Variants in DSCAM observed in about 807,000 individuals in gnomAD.
DSCAM encodes DS cell adhesion molecule.
A neutral mutation model predicts 217.7 loss-of-function variants in DSCAM; 47 were observed. The ratio of observed to expected loss-of-function variants is 0.22; its 90% confidence interval spans 0.17 to 0.28. The LOEUF (loss-of-function observed/expected upper bound fraction) is 0.28. Ranked by LOEUF, DSCAM falls within the 10% of genes least tolerant of loss-of-function variation. The pLI, the probability that DSCAM is intolerant of heterozygous loss-of-function variation, is 1.00. For missense variants in DSCAM, 2,080 were observed against 2,618.3 expected (o/e 0.79, Z 4.49); for synonymous variants, 1,056 against 1,015.3 (o/e 1.04, Z -0.76).
rs920603442 is a variant in DSCAM, at chr21:40,078,757, C to T, written c.4641G>A (p.Gln1547=). Residue 1547 remains glutamine, a synonymous_variant, in exon 26 of 33, where the codon CAG becomes CAA. Transcript: ENST00000400454. ...DLQEATWYEL[Q]MRVCNSAGCA... ...AGCCCGCACTGTTGCACACCCGCAT[C>T]TGCAGCTCATACCAGGTGGCTTCCT... is the stretch of plus-strand genomic sequence containing the variant. The T allele has an allele frequency of 1.2e-6, 2 of 1,614,260 alleles. No individual in the cohort carries two copies. The highest frequency in any genetic ancestry group is 1.7e-6 in the Non-Finnish European group (2 of 1,180,048).
intron 3 of DSCAM, among the ~76,000 whole-genome samples, chr21:40,597,611 A>G (rs1362358847): frequency 2.1e-5 from 3 of 141,836 alleles, no homozygotes; most frequent in Non-Finnish European, 3.0e-5. Context: ...GGTTCTAGCT[A>G]TTCTTCCCCC....
chr21:40,678,640 C>T (rs1379169504), intron 3 of DSCAM, among the ~76,000 whole-genome samples: 1 of 152,154 alleles, frequency 6.6e-6, no homozygotes, highest in African/African-American at 2.4e-5. Context: ...GAAGCTTCTC[C>T]ACACAGAAAT....
chr21:40,768,073 T>C (rs955224700), intron 1 of DSCAM, among the ~76,000 whole-genome samples: 7 of 152,250 alleles, frequency 4.6e-5, no homozygotes, highest in African/African-American at 1.2e-4. Flanking sequence ...TTGACTAATA[T>C]AGGCAAACAC....
At chr21:40,427,596 C>T (rs556291729) in intron 3 of DSCAM, among the ~76,000 whole-genome samples, 1 of 152,318 alleles carries the variant, frequency 6.6e-6, no homozygotes, top group South Asian at 2.1e-4. Flanking sequence ...AACCTCAGCT[C>T]CCTTATTGCT....
intron 6 of DSCAM, among the ~76,000 whole-genome samples, chr21:40,342,607 T>A (rs990847696): frequency 8.0e-5 from 10 of 124,608 alleles, no homozygotes; most frequent in African/African-American, 3.4e-4. Flanking sequence ...ATAGTATGTG[T>A]ATATGTGTGT....
In DSCAM at chr21:40,551,267, T is replaced by C. The variant is rs568235895; in HGVS notation, c.508+141543A>G. Reference sequence around the variant, plus strand: ...GTTCAGTCCAGAAAGGCAGGACATCTTGAAGTGGTTGGGGGTGTTGCTCAC... The same window carrying C: ...GTTCAGTCCAGAAAGGCAGGACATCCTGAAGTGGTTGGGGGTGTTGCTCAC... On this transcript the variant is annotated intron_variant, in intron 3 of 32. Transcript: ENST00000400454. Among the ~76,000 whole-genome samples the C allele has an allele frequency of 2.2e-4, 34 of 152,262 alleles. No individual in the cohort carries two copies. In the East Asian group the frequency reaches 2.3e-3, roughly 10 times the overall value.
chr21:40,138,799 G>C (rs904525024), intron 18 of DSCAM, among the ~76,000 whole-genome samples: 1 of 145,516 alleles, frequency 6.9e-6, no homozygotes, highest in Non-Finnish European at 1.5e-5. Context: ...TGTATGTGTG[G>C]TATGTGTGGT....
At chr21:40,745,028 G>A (rs959474479) in intron 1 of DSCAM, among the ~76,000 whole-genome samples, 1 of 152,076 alleles carries the variant, frequency 6.6e-6, no homozygotes, top group African/African-American at 2.4e-5. Context: ...TGAAATTTAT[G>A]AAAAGCTTAT....
At chr21:40,348,599 C>T (rs148476717) in intron 5 of DSCAM, among the ~76,000 whole-genome samples, 192 of 152,266 alleles carry the variant, frequency 1.3e-3, no homozygotes, top group African/African-American at 4.2e-3. Flanking sequence ...AATCAAACTC[C>T]ACACAGCTCC....
chr21:40,178,516 T>C (rs989991495), intron 15 of DSCAM, among the ~76,000 whole-genome samples: 1 of 152,206 alleles, frequency 6.6e-6, no homozygotes, highest in Non-Finnish European at 1.5e-5. Flanking sequence ...GTAAGCATGC[T>C]TGCAGATTCC....
intron 18 of DSCAM, among the ~76,000 whole-genome samples, chr21:40,139,260 C>T (rs2090258701): frequency 6.6e-6 from 1 of 151,906 alleles, no homozygotes; most frequent in South Asian, 2.1e-4. Context: ...ACCCACAACA[C>T]AGCTTCAGGA....
intron 1 of DSCAM, among the ~76,000 whole-genome samples, chr21:40,768,078 A>C (rs1321135849): frequency 6.6e-6 from 1 of 152,268 alleles, no homozygotes; most frequent in Admixed American, 6.5e-5. Flanking sequence ...TAATATAGGC[A>C]AACACTGTTA....
At chr21:40,802,261 T>C (rs998746840) in intron 1 of DSCAM, among the ~76,000 whole-genome samples, 2 of 152,234 alleles carry the variant, frequency 1.3e-5, no homozygotes, top group African/African-American at 2.4e-5. Flanking sequence ...TGGTTGGGAC[T>C]AGTTAAGCCT....
chr21:40,646,355 G>A (rs1363407090), intron 3 of DSCAM, among the ~76,000 whole-genome samples: 1 of 143,140 alleles, frequency 7.0e-6, no homozygotes, highest in Non-Finnish European at 1.5e-5. Flanking sequence ...AGGTTGCAGT[G>A]AGCTGAGAGC....
chr21:40,504,706 C>A (rs904163809), intron 3 of DSCAM, among the ~76,000 whole-genome samples: 2 of 152,150 alleles, frequency 1.3e-5, no homozygotes, highest in African/African-American at 4.8e-5. Flanking sequence ...TCCAATGGAA[C>A]CTGGACTCCC....
At position 40,327,370 on chromosome 21, in the gene DSCAM, G is replaced by T. The variant is rs550551170; in HGVS notation, c.1783+10731C>A. Among the ~76,000 whole-genome samples, 8 of 152,226 alleles carry T rather than the reference G, an allele frequency of 5.3e-5. No individual in the cohort carries two copies. In the East Asian group the frequency reaches 1.4e-3, roughly 26 times the overall value. ...ATCTTGCAATTTTAACTAAATAAAAGAATTGTATTCTTATATGTTGATTTT... is the reference window on the plus strand; with the variant it reads ...ATCTTGCAATTTTAACTAAATAAAATAATTGTATTCTTATATGTTGATTTT... On this transcript the variant is annotated intron_variant, in intron 8 of 32. Coordinates refer to ENST00000400454, the MANE Select transcript of DSCAM (RefSeq NM_001389.5).
At chr21:40,388,418 T>G (rs756407658) in intron 3 of DSCAM, among the ~76,000 whole-genome samples, 5 of 152,156 alleles carry the variant, frequency 3.3e-5, no homozygotes, top group African/African-American at 4.8e-5. Flanking sequence ...TTTCTCGGTA[T>G]GAGGTAGGTC....
intron 3 of DSCAM, among the ~76,000 whole-genome samples, chr21:40,378,385 A>G (rs2074984256): frequency 6.6e-6 from 1 of 152,038 alleles, no homozygotes; most frequent in African/African-American, 2.4e-5. Context: ...AAATTGGTGA[A>G]GCCTTTTGAT....
At chr21:40,564,572 C>T (rs1288713300) in intron 3 of DSCAM, among the ~76,000 whole-genome samples, 2 of 152,092 alleles carry the variant, frequency 1.3e-5, no homozygotes, top group African/African-American at 2.4e-5. Context: ...CCAAGTATCT[C>T]GCCTGGATCC....
Sources: gnomAD v4.1 joint callset for allele counts (sites outside exome capture counted in the v4.1 genomes callset) on GRCh38, gnomAD v4.1.1 for gene constraint, MANE v1.5 for transcripts, NCBI Gene and HGNC (gene_info 2026-07-23, HGNC 2026-07-21) for gene names.